PLCXD2: variants seen among roughly 807,000 people sequenced by gnomAD.
PLCXD2 encodes phosphatidylinositol specific phospholipase C X domain containing 2.
PLCXD2 carries 21 observed loss-of-function variants against 28.6 expected under a neutral mutation model. The ratio of observed to expected loss-of-function variants is 0.73; its 90% CI spans 0.52 to 1.06. The LOEUF is 1.06. PLCXD2 is among the 50% of genes least tolerant of loss of function. The pLI, the probability that PLCXD2 is intolerant of heterozygous loss-of-function variation, is 0.00. For missense variants in PLCXD2, 369 were observed against 376.7 expected (o/e 0.98, Z 0.17); for synonymous variants, 140 against 150.1 (o/e 0.93, Z 0.49).
At chr3:111,723,704 T>A (rs554551285) in intron 3 of PLCXD2, 3 of 152,328 alleles carry the variant, frequency 2.0e-5, no homozygotes, top group African/African-American at 7.2e-5. Flanking sequence ...CTTCTGCTCC[T>A]TGACCGTGAG....
intron 2 of PLCXD2, among the ~76,000 whole-genome samples, chr3:111,712,765 G>A (rs533603065): frequency 1.3e-5 from 2 of 152,298 alleles, no homozygotes; most frequent in Admixed American, 6.5e-5. Context: ...TCCAGGCCTC[G>A]TGAGCATGTG....
intron 3 of PLCXD2, among the ~76,000 whole-genome samples, chr3:111,719,512 G>T (rs1395987670): frequency 6.6e-6 from 1 of 152,162 alleles, no homozygotes; most frequent in Admixed American, 6.5e-5. Context: ...TAGGAAACTG[G>T]ATACACAAAC....
At chr3:111,715,152 C>G (rs1171404646) in intron 3 of PLCXD2, among the ~76,000 whole-genome samples, 1 of 152,030 alleles carries the variant, frequency 6.6e-6, no homozygotes, top group East Asian at 1.9e-4. Flanking sequence ...TGGACAAAAC[C>G]AGAAAGTGTT....
intron 1 of PLCXD2, among the ~76,000 whole-genome samples, chr3:111,684,648 C>T (rs920941439): frequency 6.6e-5 from 10 of 150,728 alleles, no homozygotes; most frequent in African/African-American, 1.5e-4. Flanking sequence ...AACAAAACTC[C>T]GTCTTAAAAA....
At chr3:111,712,283 TCGTTC>T (rs889986316) in intron 2 of PLCXD2, among the ~76,000 whole-genome samples, 28 of 152,190 alleles carry the variant, frequency 1.8e-4, no homozygotes, top group African/African-American at 6.8e-4. Flanking sequence ...CACAGTCCTC[TCGTTC>T]CCTGAAATGT....
In PLCXD2 at chr3:111,708,299, G is replaced by A. The variant is rs762935728; in HGVS notation, c.537G>A (p.Arg179=). The change falls in exon 2 of 5, where the codon CGG becomes CGA. Residue 179 remains arginine (R), a synonymous_variant. Transcript: ENST00000477665. ...CCCATCACAAATGCCTGGTTCTGCGGATCCAGGAGGCCTTTGGAAACAAGC... is the reference window on the plus strand; with the variant it reads ...CCCATCACAAATGCCTGGTTCTGCGAATCCAGGAGGCCTTTGGAAACAAGC... 6.8e-6 allele frequency: 11 copies of A among 1,614,068 alleles called. No individual in the cohort carries two copies. In the East Asian group the frequency reaches 2.2e-4, roughly 33 times the overall value.
At chr3:111,698,030 A>G (rs1247759737) in intron 1 of PLCXD2, among the ~76,000 whole-genome samples, 2 of 152,204 alleles carry the variant, frequency 1.3e-5, no homozygotes, top group African/African-American at 4.8e-5. Context: ...CCTAGCCCTA[A>G]ATGTTAATTG....
At chr3:111,712,237 C>G (rs1941208857) in intron 2 of PLCXD2, among the ~76,000 whole-genome samples, 1 of 152,196 alleles carries the variant, frequency 6.6e-6, no homozygotes, top group Admixed American at 6.5e-5. Flanking sequence ...ATAATTTGTA[C>G]TTAATGCACT....
chr3:111,710,718 C>G (rs1941189166), intron 2 of PLCXD2, among the ~76,000 whole-genome samples: 2 of 152,130 alleles, frequency 1.3e-5, no homozygotes, highest in African/African-American at 4.8e-5. Flanking sequence ...ATCAGAAGAT[C>G]TCAGAGAATT....
intron 1 of PLCXD2, among the ~76,000 whole-genome samples, chr3:111,689,709 A>T (rs1162716955): frequency 6.6e-6 from 1 of 152,128 alleles, no homozygotes; most frequent in Non-Finnish European, 1.5e-5. Context: ...AAGAAGAAGG[A>T]GGGGAAAGAT....
At chr3:111,698,852 T>A (rs1940999200) in intron 1 of PLCXD2, among the ~76,000 whole-genome samples, 1 of 152,226 alleles carries the variant, frequency 6.6e-6, no homozygotes, top group Admixed American at 6.5e-5. Context: ...GGCATTTCTA[T>A]TCCTTATTTC....
chr3:111,692,872 G>A (rs930091132), intron 1 of PLCXD2, among the ~76,000 whole-genome samples: 3 of 152,202 alleles, frequency 2.0e-5, no homozygotes, highest in Non-Finnish European at 4.4e-5. Flanking sequence ...TTCCCTACGT[G>A]TGGAAGGGAG....
Position 111,714,084 on chromosome 3 carries a change from T to C in PLCXD2, c.822T>C (p.Ile274=). 6.2e-7 allele frequency: 1 copy of C among 1,614,196 alleles called. No homozygotes were observed. Among genetic ancestry groups the C allele is most frequent in the Non-Finnish European group, 8.5e-7 (1 of 1,180,032 alleles). ...TCCTCACCCCCAGAGTGAAGACCAT[T>C]GCCCGGGGCTTGGTTGGGGGCCTCA... is the stretch of plus-strand genomic sequence containing the variant. The change falls in exon 3 of 5, where the codon ATT becomes ATC. Residue 274 remains isoleucine (I), a synonymous_variant. Coordinates refer to ENST00000477665, the MANE Select transcript of PLCXD2 (RefSeq NM_001185106.1).
intron 1 of PLCXD2, among the ~76,000 whole-genome samples, chr3:111,679,147 G>A (rs1202592243): frequency 6.6e-6 from 1 of 152,204 alleles, no homozygotes; most frequent in East Asian, 1.9e-4. Context: ...GAAGCACACA[G>A]AATGGAAAGA....
At chr3:111,695,738 G>A (rs1940951744) in intron 1 of PLCXD2, among the ~76,000 whole-genome samples, 1 of 152,164 alleles carries the variant, frequency 6.6e-6, no homozygotes, top group Non-Finnish European at 1.5e-5. Flanking sequence ...TAATGGTTGG[G>A]GAACCTCTAC....
At chr3:111,685,527 C>G (rs1428551754) in intron 1 of PLCXD2, among the ~76,000 whole-genome samples, 1 of 152,186 alleles carries the variant, frequency 6.6e-6, no homozygotes, top group Non-Finnish European at 1.5e-5. Context: ...TCAAAAAAAG[C>G]AGGAGAATTT....
chr3:111,718,491 TGATAGATAGATA>T (rs531765923), intron 3 of PLCXD2, among the ~76,000 whole-genome samples: 203 of 137,226 alleles, frequency 1.5e-3, no homozygotes, highest in African/African-American at 4.8e-3. Context: ...GATGGATAGA[TGATAGATAGATA>T]GATAGATAGA....
rs761693332 is a variant in PLCXD2, at chr3:111,675,203, G to T, written c.-43G>T. On this transcript the variant is annotated 5_prime_UTR_variant, in exon 1 of 5. It removes the in-frame stop codon of an upstream open reading frame in the 5' UTR. Coordinates refer to ENST00000477665, the MANE Select transcript of PLCXD2 (RefSeq NM_001185106.1). Reference sequence around the variant, plus strand: ...GCCCAAGAAGTGATGATCACTGAGTGAGTGGCACTGGGCTGAGACTGGCCA... The same window carrying T: ...GCCCAAGAAGTGATGATCACTGAGTTAGTGGCACTGGGCTGAGACTGGCCA... The T allele has an allele frequency of 1.3e-6, 2 of 1,592,206 alleles. No individual in the cohort carries two copies. The highest frequency in any genetic ancestry group is 8.6e-7 in the Non-Finnish European group (1 of 1,164,582).
At chr3:111,682,003 G>A (rs1940724026) in intron 1 of PLCXD2, among the ~76,000 whole-genome samples, 2 of 152,210 alleles carry the variant, frequency 1.3e-5, no homozygotes. Flanking sequence ...CAGGCCTGCA[G>A]AGGAGGGATT....
Sources: gnomAD v4.1 joint callset for allele counts (sites outside exome capture counted in the v4.1 genomes callset) on GRCh38, gnomAD v4.1.1 for gene constraint, MANE v1.5 for transcripts, NCBI Gene and HGNC (gene_info 2026-07-23, HGNC 2026-07-21) for gene names.